PDSS2: variants seen among roughly 807,000 people sequenced by gnomAD.
PDSS2 encodes all trans-polyprenyl-diphosphate synthase PDSS2.
Under a neutral mutation model 44.5 loss-of-function variants are expected in PDSS2, and 31 were observed. The observed-to-expected ratio is 0.70, with a 90% confidence interval of 0.52 to 0.94. The LOEUF (loss-of-function observed/expected upper bound fraction) is 0.94. Ranked by LOEUF, PDSS2 falls within the 40% of genes least tolerant of loss-of-function variation. PDSS2 has a pLI of 0.00. For synonymous variants in PDSS2, 157 were observed against 180.3 expected, an observed-to-expected ratio of 0.87 and a Z score of 1.03; for missense variants, 452 against 482.2, an observed-to-expected ratio of 0.94 and a Z score of 0.59.
chr6:107,185,418 T>C (rs1052236749), intron 7 of PDSS2, among the ~76,000 whole-genome samples: 5 of 152,168 alleles, frequency 3.3e-5, no homozygotes, highest in Non-Finnish European at 4.4e-5. Context: ...AAAGTCTGTG[T>C]CTCTGTGACG....
intron 2 of PDSS2, among the ~76,000 whole-genome samples, chr6:107,291,755 G>A (rs1776357210): frequency 6.6e-6 from 1 of 151,496 alleles, no homozygotes; most frequent in African/African-American, 2.4e-5. Flanking sequence ...GCTCATGCCT[G>A]TAATCCCAAC....
chr6:107,325,380 G>A (rs1777505728), intron 2 of PDSS2, among the ~76,000 whole-genome samples: 1 of 152,100 alleles, frequency 6.6e-6, no homozygotes, highest in African/African-American at 2.4e-5. Flanking sequence ...GTTGCATCAT[G>A]GTAAGCCAGG....
At chr6:107,171,428 G>A (rs9372153) in intron 7 of PDSS2, among the ~76,000 whole-genome samples, 41,603 of 152,116 alleles carry the variant, frequency 0.27, 5,796 homozygotes, top group Middle Eastern at 0.34. Flanking sequence ...CTCCCAAAGT[G>A]CTAGGTAACA....
chr6:107,391,780 T>G (rs1480542195), intron 1 of PDSS2, among the ~76,000 whole-genome samples: 2 of 152,096 alleles, frequency 1.3e-5, no homozygotes, highest in South Asian at 4.1e-4. Flanking sequence ...ATTAAATAAA[T>G]ATTTACTTTA....
intron 2 of PDSS2, among the ~76,000 whole-genome samples, chr6:107,328,418 T>C (rs1482377609): frequency 2.6e-5 from 4 of 152,158 alleles, no homozygotes; most frequent in East Asian, 1.9e-4. Flanking sequence ...AGTTTTCTCA[T>C]TGGTGAAACT....
At chr6:107,350,188 C>A (rs142121038) in intron 1 of PDSS2, among the ~76,000 whole-genome samples, 1 of 152,132 alleles carries the variant, frequency 6.6e-6, no homozygotes, top group Non-Finnish European at 1.5e-5. Flanking sequence ...CCACTTTGGC[C>A]GTCTGAGTAA....
At chr6:107,180,532 A>G (rs1381921273) in intron 7 of PDSS2, among the ~76,000 whole-genome samples, 2 of 152,192 alleles carry the variant, frequency 1.3e-5, no homozygotes, top group Non-Finnish European at 2.9e-5. Flanking sequence ...TCATTCATTC[A>G]TTCATTCGAC....
intron 7 of PDSS2, among the ~76,000 whole-genome samples, chr6:107,173,056 G>A (rs1025173166): frequency 6.0e-5 from 9 of 149,382 alleles, no homozygotes; most frequent in Non-Finnish European, 1.0e-4. Context: ...CCCAGGAGGC[G>A]GAAGTTGCAG....
rs142780372 is a variant in PDSS2 at position 107,250,067 on chromosome 6, T to C, written c.631-4448A>G. On this transcript the variant is annotated intron_variant, in intron 3 of 7. Coordinates refer to ENST00000369037, the MANE Select transcript of PDSS2 (RefSeq NM_020381.4). ...GATTTTTTACACTGAAAAACCAAGA[T>C]GATGAATACCCTCACAAAGGATATT... 7.1e-4 allele frequency among the ~76,000 whole-genome samples: 108 copies of C among 152,198 alleles called. No individual in the cohort carries two copies. The East Asian group carries it at 0.019, about 27-fold the overall frequency.
At chr6:107,230,766 C>A (rs922741336) in intron 4 of PDSS2, among the ~76,000 whole-genome samples, 1 of 152,020 alleles carries the variant, frequency 6.6e-6, no homozygotes, top group Non-Finnish European at 1.5e-5. Flanking sequence ...CAGGTAAGTA[C>A]CCCCTGCCCA....
intron 2 of PDSS2, among the ~76,000 whole-genome samples, chr6:107,300,106 C>A (rs537113142): frequency 6.6e-6 from 1 of 152,330 alleles, no homozygotes; most frequent in East Asian, 1.9e-4. Flanking sequence ...CCTCCCCCTG[C>A]ACTTCAGGCC....
chr6:107,450,484 G>A (rs997152703), intron 1 of PDSS2, among the ~76,000 whole-genome samples: 2 of 152,094 alleles, frequency 1.3e-5, no homozygotes, highest in Admixed American at 1.3e-4. Flanking sequence ...AAGGATATAG[G>A]ATTAAGTTAA....
In PDSS2 at chr6:107,289,372, CA is replaced by C. The variant is rs376719889; in HGVS notation, c.432-15146del. Among the ~76,000 whole-genome samples, 946 of 112,640 alleles carry C rather than the reference CA, an allele frequency of 8.4e-3. 6 individuals are homozygous for C. The highest frequency in any genetic ancestry group is 0.027 in the African/African-American group (755 of 27,758). The allele number at this position is 112,640 out of a possible 152,430, so 73.9% of individuals were successfully genotyped here. Reference sequence around the variant, plus strand: ...TGGGTAACAGAGCGAGACTCTGTCTCAAAAAAAAAAAAAAGAAAGAAAGAAA... The same window carrying C: ...TGGGTAACAGAGCGAGACTCTGTCTCAAAAAAAAAAAAAGAAAGAAAGAAA... On this transcript the variant is annotated intron_variant, in intron 2 of 7. Transcript: ENST00000369037.
chr6:107,268,149 A>G (rs973846022), intron 3 of PDSS2, among the ~76,000 whole-genome samples: 1 of 152,122 alleles, frequency 6.6e-6, no homozygotes, highest in Admixed American at 6.6e-5. Flanking sequence ...ACCTACAATA[A>G]AAATTACATT....
intron 2 of PDSS2, among the ~76,000 whole-genome samples, chr6:107,297,863 G>A (rs1168180471): frequency 2.6e-5 from 4 of 151,542 alleles, no homozygotes; most frequent in African/African-American, 9.7e-5. Context: ...CTTGTACCTC[G>A]GACACCCGAG....
At chr6:107,184,110 AG>A (rs1312390488) in intron 7 of PDSS2, among the ~76,000 whole-genome samples, 2 of 152,188 alleles carry the variant, frequency 1.3e-5, no homozygotes, top group Admixed American at 1.3e-4. Flanking sequence ...TTACCAAAAA[AG>A]AGCTAATGTA....
At chr6:107,377,359 T>C (rs906752064) in intron 1 of PDSS2, among the ~76,000 whole-genome samples, 2 of 152,200 alleles carry the variant, frequency 1.3e-5, no homozygotes, top group African/African-American at 4.8e-5. Context: ...CCAGTTAGAA[T>C]GGCGATCATT....
At chr6:107,439,217 T>A (rs569577420) in intron 1 of PDSS2, among the ~76,000 whole-genome samples, 2 of 152,326 alleles carry the variant, frequency 1.3e-5, no homozygotes, top group Admixed American at 1.3e-4. Flanking sequence ...AATACAGGTA[T>A]TGAAACAAGG....
intron 2 of PDSS2, among the ~76,000 whole-genome samples, chr6:107,322,332 C>G (rs1217705555): frequency 6.6e-6 from 1 of 151,400 alleles, no homozygotes; most frequent in Admixed American, 6.6e-5. Context: ...CCAGCCTGAC[C>G]AACAGTGAAA....
Sources: gnomAD v4.1 joint callset for allele counts (sites outside exome capture counted in the v4.1 genomes callset) on GRCh38, gnomAD v4.1.1 for gene constraint, MANE v1.5 for transcripts, NCBI Gene and HGNC (gene_info 2026-07-23, HGNC 2026-07-21) for gene names.